Variants in GPC6 observed in about 807,000 individuals in gnomAD.
The protein encoded by GPC6 is glypican-6.
GPC6 carries 14 observed loss-of-function variants against 55.2 expected under a neutral mutation model. The ratio of observed to expected loss-of-function variants is 0.25; its 90% CI spans 0.17 to 0.40. GPC6 has a LOEUF of 0.40. Ranked by LOEUF, GPC6 falls within the 10% of genes least tolerant of loss-of-function variation. The pLI is 1.00. For missense variants in GPC6, 641 were observed against 708.5 expected, an observed-to-expected ratio of 0.90 and a Z score of 1.08; for synonymous variants, 278 against 259.6, an observed-to-expected ratio of 1.07 and a Z score of -0.68.
intron 3 of GPC6, among the ~76,000 whole-genome samples, chr13:93,919,638 G>A (rs1021538082): frequency 2.0e-5 from 3 of 152,204 alleles, no homozygotes; most frequent in African/African-American, 4.8e-5. Context: ...GAACCTGGGA[G>A]TTTAGAAATG....
At chr13:94,110,019 C>T (rs1267536750) in intron 4 of GPC6, among the ~76,000 whole-genome samples, 1 of 137,944 alleles carries the variant, frequency 7.2e-6, no homozygotes, top group East Asian at 2.2e-4. Context: ...AGTTAATTAT[C>T]TTGAGTGTCC....
intron 4 of GPC6, among the ~76,000 whole-genome samples, chr13:94,155,056 G>A (rs1164037910): frequency 5.9e-5 from 9 of 152,026 alleles, no homozygotes; most frequent in Non-Finnish European, 2.9e-5. Flanking sequence ...GCTCCCTGGG[G>A]GTACACCTCT....
At chr13:94,089,262 T>A (rs1885395810) in intron 4 of GPC6, among the ~76,000 whole-genome samples, 2 of 152,148 alleles carry the variant, frequency 1.3e-5, no homozygotes, top group Admixed American at 1.3e-4. Context: ...CTGATAAGCC[T>A]GAGAGAGAGA....
intron 3 of GPC6, among the ~76,000 whole-genome samples, chr13:94,002,582 A>G (rs1881852593): frequency 6.6e-6 from 1 of 152,194 alleles, no homozygotes; most frequent in African/African-American, 2.4e-5. Flanking sequence ...CACTTAAAGT[A>G]GGGATGTAAA....
chr13:93,856,638 A>G (rs539077469), intron 3 of GPC6, among the ~76,000 whole-genome samples: 2 of 151,786 alleles, frequency 1.3e-5, no homozygotes, highest in Admixed American at 6.6e-5. Flanking sequence ...TGATGCCTGA[A>G]CTAATTTTGC....
At chr13:93,520,542 TAAA>T (rs58324863) in intron 1 of GPC6, among the ~76,000 whole-genome samples, 2 of 150,904 alleles carry the variant, frequency 1.3e-5, no homozygotes, top group South Asian at 2.1e-4. Context: ...AAATAGACTT[TAAA>T]AAAAAAAAAC....
At chr13:93,853,853 A>G (rs1325866542) in intron 3 of GPC6, among the ~76,000 whole-genome samples, 1 of 151,736 alleles carries the variant, frequency 6.6e-6, no homozygotes, top group African/African-American at 2.4e-5. Context: ...TAAATACTAT[A>G]TATGAACACT....
intron 3 of GPC6, among the ~76,000 whole-genome samples, chr13:93,866,740 G>T (rs998857002): frequency 6.6e-6 from 1 of 151,636 alleles, no homozygotes; most frequent in Non-Finnish European, 1.5e-5. Context: ...TGGGAGTAGG[G>T]AGAAAATCAG....
intron 1 of GPC6, among the ~76,000 whole-genome samples, chr13:93,364,344 G>A (rs1213024018): frequency 3.9e-5 from 6 of 152,036 alleles, no homozygotes; most frequent in Non-Finnish European, 8.8e-5. Context: ...CATGGAGAAT[G>A]TATGTTATCT....
chr13:93,583,762 G>A (rs535439919), intron 2 of GPC6, among the ~76,000 whole-genome samples: 1 of 152,106 alleles, frequency 6.6e-6, no homozygotes, highest in East Asian at 1.9e-4. Context: ...TAGAAGCTAA[G>A]AAAGTATATT....
Position 93,843,465 on chromosome 13 carries a change from A to C in GPC6, c.711+12920A>C, listed in dbSNP as rs1156686986. On this transcript the variant is annotated intron_variant, in intron 3 of 8. Coordinates refer to ENST00000377047, the MANE Select transcript of GPC6 (RefSeq NM_005708.5). ...GGGGAGATAAGGAATGAGGCTGACA[A>C]AAAAATGTGTGGTAGAAATCCATGA... is the stretch of plus-strand genomic sequence containing the variant. Among the ~76,000 whole-genome samples, 4 of 152,192 alleles carry C rather than the reference A, an allele frequency of 2.6e-5. No homozygotes were observed. In the East Asian group the frequency reaches 7.7e-4, roughly 29 times the overall value.
chr13:94,059,274 G>A (rs967791501), intron 4 of GPC6, among the ~76,000 whole-genome samples: 3 of 151,810 alleles, frequency 2.0e-5, no homozygotes, highest in Non-Finnish European at 4.4e-5. Flanking sequence ...CAATTGCTGG[G>A]TGTGGACTAC....
intron 5 of GPC6, among the ~76,000 whole-genome samples, chr13:94,288,055 A>T (rs1409173): frequency 6.6e-6 from 1 of 151,954 alleles, no homozygotes; most frequent in African/African-American, 2.4e-5. Context: ...ATCCATGTGG[A>T]AGACATGGCT....
intron 1 of GPC6, among the ~76,000 whole-genome samples, chr13:93,473,808 C>T (rs1213491536): frequency 1.3e-5 from 2 of 152,188 alleles, no homozygotes; most frequent in Non-Finnish European, 2.9e-5. Context: ...ACAGCAGCAT[C>T]AGGCAAGAGT....
chr13:93,850,324 C>A (rs890900016), intron 3 of GPC6, among the ~76,000 whole-genome samples: 1 of 151,832 alleles, frequency 6.6e-6, no homozygotes, highest in South Asian at 2.1e-4. Context: ...GGATCCCAGA[C>A]AAATGAATAG....
At chr13:93,510,265 T>G (rs1489804526) in intron 1 of GPC6, among the ~76,000 whole-genome samples, 2 of 152,140 alleles carry the variant, frequency 1.3e-5, no homozygotes, top group African/African-American at 2.4e-5. Flanking sequence ...AATTTGTTCC[T>G]TCTAACTATA....
chr13:94,110,062 T>TAAAAAAAAAAAAAA (rs78404632), intron 4 of GPC6, among the ~76,000 whole-genome samples: 9 of 84,608 alleles, frequency 1.1e-4, no homozygotes, highest in Non-Finnish European at 1.8e-4. Flanking sequence ...CACCCTGGAC[T>TAAAAAAAAAAAAAA]AAAAAAAAAA....
intron 3 of GPC6, among the ~76,000 whole-genome samples, chr13:93,930,287 T>TTTTTTTTTTTTTTTTC (rs1878099022): frequency 6.7e-6 from 1 of 148,356 alleles, no homozygotes; most frequent in South Asian, 2.1e-4. Context: ...TTTTTTTTTT[T>TTTTTTTTTTTTTTTTC]TGTAGACAGA....
intron 2 of GPC6, among the ~76,000 whole-genome samples, chr13:93,665,184 T>C (rs945587163): frequency 1.3e-5 from 2 of 152,172 alleles, no homozygotes; most frequent in East Asian, 1.9e-4. Flanking sequence ...TTATTTGTGA[T>C]AGCAAAAACC....
Sources: gnomAD v4.1 joint callset for allele counts (sites outside exome capture counted in the v4.1 genomes callset) on GRCh38, gnomAD v4.1.1 for gene constraint, MANE v1.5 for transcripts, NCBI Gene and HGNC (gene_info 2026-07-23, HGNC 2026-07-21) for gene names.